The following CADM2 variants were observed in gnomAD, a reference collection of about 807,000 sequenced individuals.
CADM2 encodes the protein immunoglobulin superfamily member 4D.
In CADM2, 12 loss-of-function variants were observed where a neutral mutation model predicts 49.8. The ratio of observed to expected loss-of-function variants is 0.24; its 90% confidence interval spans 0.15 to 0.39. The LOEUF is 0.39. Among genes scored for constraint, CADM2 ranks in the 10% least tolerant of loss-of-function variants. The pLI is 1.00. For synonymous variants in CADM2, 214 were observed against 175.4 expected, an observed-to-expected ratio of 1.22 and a Z score of -1.74; for missense variants, 378 against 492.3, an observed-to-expected ratio of 0.77 and a Z score of 2.20.
At chr3:85,654,744 C>T (rs763659338) in intron 1 of CADM2, among the ~76,000 whole-genome samples, 11 of 152,120 alleles carry the variant, frequency 7.2e-5, no homozygotes, top group African/African-American at 9.7e-5. Flanking sequence ...CCGTGAAATA[C>T]CACATGCTGC....
intron 1 of CADM2, among the ~76,000 whole-genome samples, chr3:85,702,382 C>T (rs900698738): frequency 9.2e-5 from 14 of 151,978 alleles, no homozygotes; most frequent in African/African-American, 3.4e-4. Context: ...TCCTCTCTGT[C>T]ATTCTTTGTC....
intron 1 of CADM2, among the ~76,000 whole-genome samples, chr3:85,420,588 A>G (rs1170349237): frequency 6.6e-6 from 1 of 152,182 alleles, no homozygotes; most frequent in Admixed American, 6.5e-5. Context: ...TTTTTCTTCC[A>G]GGTTTTCAGT....
intron 1 of CADM2, among the ~76,000 whole-genome samples, chr3:85,330,580 A>T (rs1169584274): frequency 6.6e-6 from 1 of 152,188 alleles, no homozygotes; most frequent in Non-Finnish European, 1.5e-5. Context: ...TGAGACAGAA[A>T]ATAGAAAAAT....
At chr3:85,282,504 TCAAA>T (rs2043527637) in intron 1 of CADM2, among the ~76,000 whole-genome samples, 2 of 147,898 alleles carry the variant, frequency 1.4e-5, no homozygotes, top group Non-Finnish European at 3.0e-5. Flanking sequence ...GCTCATGACC[TCAAA>T]CAATCTACCC....
intron 1 of CADM2, among the ~76,000 whole-genome samples, chr3:85,448,353 A>G (rs2037575615): frequency 7.3e-6 from 1 of 137,496 alleles, no homozygotes; most frequent in African/African-American, 2.7e-5. Flanking sequence ...AAAAAAAAAA[A>G]AATCCTAGCA....
At chr3:86,049,242 C>G (rs1737048231) in intron 8 of CADM2, among the ~76,000 whole-genome samples, 4 of 151,630 alleles carry the variant, frequency 2.6e-5, no homozygotes, top group Admixed American at 2.6e-4. Context: ...AGACCTAAGA[C>G]TGGGTAATTT....
chr3:85,350,393 T>C (rs2031223021), intron 1 of CADM2, among the ~76,000 whole-genome samples: 2 of 152,202 alleles, frequency 1.3e-5, no homozygotes, highest in South Asian at 4.1e-4. Flanking sequence ...TTTGACATGA[T>C]TGCCATTTTG....
chr3:85,715,534 C>G (rs1451226887), intron 1 of CADM2, among the ~76,000 whole-genome samples: 1 of 152,020 alleles, frequency 6.6e-6, no homozygotes, highest in Non-Finnish European at 1.5e-5. Context: ...ACTTTAAGTT[C>G]TGGGATACAT....
intron 1 of CADM2, among the ~76,000 whole-genome samples, chr3:85,384,671 AT>A (rs1302559498): frequency 6.1e-5 from 9 of 148,656 alleles, no homozygotes; most frequent in Admixed American, 4.0e-4. Flanking sequence ...GTCAAAAAAA[AT>A]GTGTGTGTGT....
chr3:85,440,758 G>A (rs887303792), intron 1 of CADM2, among the ~76,000 whole-genome samples: 1 of 152,042 alleles, frequency 6.6e-6, no homozygotes, highest in Non-Finnish European at 1.5e-5. Context: ...TGAGGCAGGC[G>A]GATCACTTGA....
intron 8 of CADM2, among the ~76,000 whole-genome samples, chr3:85,973,648 A>G (rs1577831887): frequency 6.6e-6 from 1 of 151,782 alleles, no homozygotes; most frequent in East Asian, 1.9e-4. Flanking sequence ...GAGTTTACAA[A>G]CTGATTATGT....
chr3:85,076,765 A>G (rs2036960701), intron 1 of CADM2, among the ~76,000 whole-genome samples: 1 of 151,816 alleles, frequency 6.6e-6, no homozygotes. Context: ...TGAAGTCAGG[A>G]GTTCGAGACC....
intron 7 of CADM2, among the ~76,000 whole-genome samples, chr3:85,961,022 T>C (rs1318568054): frequency 1.4e-5 from 2 of 147,128 alleles, no homozygotes; most frequent in East Asian, 3.9e-4. Context: ...ATTATATATA[T>C]TTATACTCAT....
chr3:85,277,418 A>T (rs1347503280), intron 1 of CADM2, among the ~76,000 whole-genome samples: 1 of 151,330 alleles, frequency 6.6e-6, no homozygotes, highest in Non-Finnish European at 1.5e-5. Context: ...TAGAAGGTTC[A>T]TTTATTGAAT....
intron 1 of CADM2, among the ~76,000 whole-genome samples, chr3:85,490,680 G>A (rs1244632870): frequency 1.3e-5 from 2 of 152,108 alleles, no homozygotes; most frequent in African/African-American, 2.4e-5. Flanking sequence ...AGTTGGCTGT[G>A]TTTAAATGAC....
intron 1 of CADM2, among the ~76,000 whole-genome samples, chr3:85,520,977 TG>T (rs1026219617): frequency 6.6e-6 from 1 of 152,096 alleles, no homozygotes; most frequent in African/African-American, 2.4e-5. Flanking sequence ...TAAAACAAAA[TG>T]TGGTACAACA....
intron 1 of CADM2, among the ~76,000 whole-genome samples, chr3:85,707,248 G>A (rs1344362545): frequency 6.6e-6 from 1 of 151,876 alleles, no homozygotes; most frequent in African/African-American, 2.4e-5. Flanking sequence ...ATGAATTTGT[G>A]GAATTGCTAC....
At chr3:85,287,092 A>G (rs1416503061) in intron 1 of CADM2, among the ~76,000 whole-genome samples, 1 of 152,142 alleles carries the variant, frequency 6.6e-6, no homozygotes, top group Non-Finnish European at 1.5e-5. Context: ...TGAACAAATA[A>G]CTTCAAATAT....
chr3:85,504,213 AC>A (rs2040226315), intron 1 of CADM2, among the ~76,000 whole-genome samples: 1 of 148,980 alleles, frequency 6.7e-6, no homozygotes, highest in Admixed American at 6.7e-5. Flanking sequence ...GAAGCTGCAG[AC>A]CTTCGCGGTG....
Sources: allele counts gnomAD v4.1 joint callset (sites outside exome capture counted in the v4.1 genomes callset), GRCh38; gene constraint gnomAD v4.1.1; transcripts MANE v1.5; gene names NCBI Gene and HGNC (gene_info 2026-07-23, HGNC 2026-07-21).